The following DPP10 variants were observed in gnomAD, a reference collection of about 807,000 sequenced individuals.
The protein encoded by DPP10 is inactive dipeptidyl peptidase 10.
DPP10 carries 33 observed loss-of-function variants against 120.9 expected under a neutral mutation model. The ratio of observed to expected loss-of-function variants is 0.27; its 90% CI spans 0.21 to 0.37. The LOEUF is 0.37. Among genes scored for constraint, DPP10 ranks in the 10% least tolerant of loss-of-function variants. DPP10 has a pLI of 1.00. For synonymous variants in DPP10, 337 were observed against 326.1 expected, an observed-to-expected ratio of 1.03 and a Z score of -0.36; for missense variants, 816 against 942.8, an observed-to-expected ratio of 0.87 and a Z score of 1.76.
chr2:115,122,582 A>G (rs77098712), intron 1 of DPP10, among the ~76,000 whole-genome samples: 8,107 of 152,362 alleles, frequency 0.053, 296 homozygotes, highest in East Asian at 0.15. Flanking sequence ...GCCGAGACAC[A>G]TCTATGAGAA....
chr2:115,169,879 A>G (rs1366317195), intron 1 of DPP10, among the ~76,000 whole-genome samples: 1 of 152,176 alleles, frequency 6.6e-6, no homozygotes, highest in South Asian at 2.1e-4. Flanking sequence ...AAATGAAGAA[A>G]AGGGAGGATA....
intron 1 of DPP10, among the ~76,000 whole-genome samples, chr2:114,723,101 C>G (rs1701813548): frequency 6.6e-6 from 1 of 152,144 alleles, no homozygotes; most frequent in Admixed American, 6.5e-5. Context: ...TTCCCTAGCT[C>G]TGTCCAACTA....
At chr2:114,963,245 G>A (rs567421109) in intron 1 of DPP10, among the ~76,000 whole-genome samples, 3 of 152,258 alleles carry the variant, frequency 2.0e-5, no homozygotes, top group Non-Finnish European at 2.9e-5. Context: ...CCACAGGGAC[G>A]TTAAAGTTTA....
At chr2:114,576,685 G>A (rs776258914) in intron 1 of DPP10, among the ~76,000 whole-genome samples, 2 of 152,164 alleles carry the variant, frequency 1.3e-5, no homozygotes, top group Non-Finnish European at 2.9e-5. Flanking sequence ...CCACAGGACT[G>A]TGACTGAGCT....
At chr2:114,537,913 C>G (rs905827945) in intron 1 of DPP10, among the ~76,000 whole-genome samples, 2 of 152,188 alleles carry the variant, frequency 1.3e-5, no homozygotes, top group African/African-American at 2.4e-5. Context: ...CTCTCTCTTA[C>G]TTGGAAGTCT....
intron 19 of DPP10, among the ~76,000 whole-genome samples, chr2:115,807,178 G>A: frequency 6.6e-6 from 1 of 152,220 alleles, no homozygotes; most frequent in South Asian, 2.1e-4. Context: ...AATGAAAATT[G>A]GCCAAAGGAT....
At chr2:115,386,317 A>G (rs1199345001) in intron 3 of DPP10, among the ~76,000 whole-genome samples, 1 of 152,202 alleles carries the variant, frequency 6.6e-6, no homozygotes, top group Non-Finnish European at 1.5e-5. Flanking sequence ...GGCTCTAGAC[A>G]GAGAAAAGGC....
At chr2:115,570,406 G>T (rs1160451482) in intron 5 of DPP10, among the ~76,000 whole-genome samples, 1 of 152,172 alleles carries the variant, frequency 6.6e-6, no homozygotes, top group African/African-American at 2.4e-5. Context: ...TTCTTTACTG[G>T]TGCCCAACAC....
chr2:115,467,333 G>A lies in DPP10; in HGVS notation c.272-32177G>A, dbSNP rs556633553. Among the ~76,000 whole-genome samples, 15 of 152,052 alleles carry A rather than the reference G, an allele frequency of 9.9e-5. 1 individual carries two copies. The highest frequency in any genetic ancestry group is 3.1e-4 in the African/African-American group (13 of 41,482). Reference sequence around the variant, plus strand: ...TCCCAGCACTTTGGGAGGCTGAGGCGGACAGATCATGAGGTCAGGAGTTCG... The same window carrying A: ...TCCCAGCACTTTGGGAGGCTGAGGCAGACAGATCATGAGGTCAGGAGTTCG... On this transcript the variant is annotated intron_variant, in intron 3 of 25. Coordinates refer to ENST00000410059, the MANE Select transcript of DPP10 (RefSeq NM_020868.6).
chr2:115,808,556 A>C (rs1277327824), intron 19 of DPP10, among the ~76,000 whole-genome samples: 4 of 152,194 alleles, frequency 2.6e-5, no homozygotes, highest in African/African-American at 9.6e-5. Context: ...CCATAACTCT[A>C]CTGGGTAGAT....
chr2:115,444,505 T>C (rs1321158704), intron 3 of DPP10, among the ~76,000 whole-genome samples: 1 of 152,234 alleles, frequency 6.6e-6, no homozygotes, highest in African/African-American at 2.4e-5. Flanking sequence ...AATTTGTTTC[T>C]TTCCAAGAAG....
intron 1 of DPP10, among the ~76,000 whole-genome samples, chr2:115,129,123 T>C (rs2050216064): frequency 6.6e-6 from 1 of 152,170 alleles, no homozygotes; most frequent in Non-Finnish European, 1.5e-5. Flanking sequence ...GATTTCAAAC[T>C]CAGGCTTCCT....
At chr2:114,616,557 T>G (rs1693691513) in intron 1 of DPP10, among the ~76,000 whole-genome samples, 1 of 152,120 alleles carries the variant, frequency 6.6e-6, no homozygotes. Context: ...CAGAAACACT[T>G]AGGAGAACAA....
chr2:115,003,972 G>A (rs1701633149), intron 1 of DPP10, among the ~76,000 whole-genome samples: 1 of 152,288 alleles, frequency 6.6e-6, no homozygotes, highest in South Asian at 2.1e-4. Flanking sequence ...TACATATGTA[G>A]TTATTAGTTT....
At chr2:114,866,248 G>A (rs1250200402) in intron 1 of DPP10, among the ~76,000 whole-genome samples, 1 of 151,596 alleles carries the variant, frequency 6.6e-6, no homozygotes, top group African/African-American at 2.4e-5. Flanking sequence ...ATCTTTGGAG[G>A]CATATGGTAG....
At chr2:115,275,622 A>G (rs2059881436) in intron 1 of DPP10, among the ~76,000 whole-genome samples, 2 of 151,936 alleles carry the variant, frequency 1.3e-5, no homozygotes, top group African/African-American at 2.4e-5. Flanking sequence ...AAAATTATAT[A>G]GAAAAGTTTC....
At chr2:115,603,560 G>GTTTTTTTTTTTTTT (rs10637786) in intron 5 of DPP10, among the ~76,000 whole-genome samples, 5 of 126,424 alleles carry the variant, frequency 4.0e-5, no homozygotes, top group African/African-American at 6.1e-5. Context: ...CGTTGTTGTT[G>GTTTTTTTTTTTTTT]TTTTTTTTTG....
intron 1 of DPP10, among the ~76,000 whole-genome samples, chr2:115,279,764 C>T (rs1405125298): frequency 4.5e-5 from 6 of 132,784 alleles, no homozygotes; most frequent in Non-Finnish European, 9.2e-5. Flanking sequence ...TTGCTTTAAG[C>T]GATTCTTATG....
At chr2:115,662,352 C>G (rs749334033) in intron 5 of DPP10, among the ~76,000 whole-genome samples, 102 of 151,978 alleles carry the variant, frequency 6.7e-4, no homozygotes, top group Non-Finnish European at 1.3e-3. Context: ...TCTTAAGGAC[C>G]CTGATTTTGT....
Sources: gnomAD v4.1 joint callset for allele counts (sites outside exome capture counted in the v4.1 genomes callset) on GRCh38, gnomAD v4.1.1 for gene constraint, MANE v1.5 for transcripts, NCBI Gene and HGNC (gene_info 2026-07-23, HGNC 2026-07-21) for gene names.